The following SHOC1 variants were observed in gnomAD, a reference collection of about 807,000 sequenced individuals.
SHOC1 encodes shortage in chiasmata 1.
A neutral mutation model predicts 179.2 loss-of-function variants in SHOC1; 136 were observed. That is an observed-to-expected ratio of 0.76 (90% CI 0.66 to 0.87). The LOEUF (loss-of-function observed/expected upper bound fraction) is 0.87, where lower values mean the gene tolerates loss of function less well. Ranked by LOEUF, SHOC1 falls within the 40% of genes least tolerant of loss-of-function variation. The pLI is 0.00. For missense variants in SHOC1, 1,538 were observed against 1,700.8 expected, an observed-to-expected ratio of 0.90 and a Z score of 1.68; for synonymous variants, 489 against 586.6, an observed-to-expected ratio of 0.83 and a Z score of 2.41.
In SHOC1 at chr9:111,746,276, C is replaced by G; in HGVS notation, c.1037G>C (p.Arg346Pro). ...TAATGGAAATGTCTGAAGTTCTGTA[C>G]GTAATGAATTCACTGAAGAATGTTG... is the stretch of plus-strand genomic sequence containing the variant. ...TCQHSSVNSL[R>P]TELQTFPLSP... is the part of the protein sequence containing the mutation. The change falls in exon 10 of 28, where the codon CGT (arginine) becomes CCT (proline). Residue 346 changes from arginine (R) to proline (P), a missense_variant. Arg to Pro is a moderately radical substitution (Grantham distance 103). Transcript: ENST00000682961. 6.2e-7 allele frequency: 1 copy of G among 1,611,308 alleles called. No individual in the cohort carries two copies. Among genetic ancestry groups the G allele is most frequent in the Non-Finnish European group, 8.5e-7 (1 of 1,177,894 alleles).
At chr9:111,778,286 C>T (rs138764219) in intron 4 of SHOC1, among the ~76,000 whole-genome samples, 4 of 152,232 alleles carry the variant, frequency 2.6e-5, no homozygotes, top group African/African-American at 9.6e-5. Flanking sequence ...TGAGTAAGTT[C>T]ATCTACTCCT....
intron 3 of SHOC1, 64 bp downstream of exon 3, chr9:111,785,848 T>G (rs1053881061): frequency 7.7e-7 from 1 of 1,303,352 alleles, no homozygotes; most frequent in Non-Finnish European, 9.9e-7. Flanking sequence ...TTCTTAATAA[T>G]TTGCTGTGCT....
intron 15 of SHOC1, 42 bp downstream of exon 15, chr9:111,722,366 TA>T: frequency 6.6e-7 from 1 of 1,518,274 alleles, no homozygotes. Context: ...CAATAATTTC[TA>T]AGCATATCTT....
At chr9:111,707,727 G>C (rs1832342513) in intron 19 of SHOC1, 128 bp downstream of exon 19, 2 of 638,360 alleles carry the variant, frequency 3.1e-6, no homozygotes, top group African/African-American at 3.8e-5. Context: ...GCATTTTTCA[G>C]GAAGAGGGTA....
In SHOC1 at chr9:111,748,104, A is replaced by G. The variant is rs1417191408; in HGVS notation, c.958T>C (p.Cys320Arg). The G allele has an allele frequency of 6.2e-7, 1 of 1,612,184 alleles. No homozygotes were observed. Among genetic ancestry groups the G allele is most frequent in the Non-Finnish European group, 8.5e-7 (1 of 1,178,690 alleles). ...TIQSQSEPEE[C>R]SKPGELEMPL... is the part of the protein sequence containing the mutation. ...TCAAAATTTCTACCTGGTTTACTGC[A>G]CTCTTCTGGTTCACTCTGGCTTTGA... The change falls in exon 9 of 28, where the codon TGC becomes CGC. Residue 320 changes from cysteine (C) to arginine (R), a missense_variant. Coordinates refer to ENST00000682961, the MANE Select transcript of SHOC1 (RefSeq NM_001378211.1).
At chr9:111,694,070 T>C (rs1831577010) in intron 25 of SHOC1, 122 bp from the exon 26 acceptor site, 2 of 1,067,114 alleles carry the variant, frequency 1.9e-6, no homozygotes, top group South Asian at 1.7e-5. Flanking sequence ...TCGAAAGTGA[T>C]CCATTTTATT....
Position 111,774,096 on chromosome 9 carries a change from G to A in SHOC1, c.442+1695C>T, listed in dbSNP as rs116158159. ...TCTCAGTCAATAGTTGATTCTAGCC[G>A]ACAGTAGCTTCTAGTTTGCCACATT... On this transcript the variant is annotated intron_variant, in intron 5 of 27. Coordinates refer to ENST00000682961, the MANE Select transcript of SHOC1 (RefSeq NM_001378211.1). Among the ~76,000 whole-genome samples, 313 of 152,226 alleles carry A rather than the reference G, an allele frequency of 2.1e-3. 2 individuals carry two copies. Among genetic ancestry groups the A allele is most frequent in the African/African-American group, 7.1e-3 (297 of 41,568 alleles).
At position 111,781,750 on chromosome 9, in the gene SHOC1, A is replaced by AAATAAATAAATTAATTAATTAATTAATT. The variant is rs765900257; in HGVS notation, c.170-734_170-733insAATTAATTAATTAATTAATTTATTTATT. On this transcript the variant is annotated intron_variant, in intron 3 of 27. Coordinates refer to ENST00000682961, the MANE Select transcript of SHOC1 (RefSeq NM_001378211.1). ...TAAATAAATAAATAAATAAATAAAT[A>AAATAAATAAATTAATTAATTAATTAATT]AATTTGTATGTGTACATAGCTTATC... 4.9e-3 allele frequency among the ~76,000 whole-genome samples: 733 copies of AAATAAATAAATTAATTAATTAATTAATT among 150,982 alleles called. 6 individuals carry two copies. The highest frequency in any genetic ancestry group is 6.5e-3 in the Admixed American group (99 of 15,178).
chr9:111,727,203 T>C (rs1833332393), intron 13 of SHOC1, among the ~76,000 whole-genome samples: 1 of 152,166 alleles, frequency 6.6e-6, no homozygotes, highest in Non-Finnish European at 1.5e-5. Context: ...TAGGTAATGT[T>C]AGAAAGAAAC....
At chr9:111,724,289 C>T (rs1249252859) in intron 13 of SHOC1, among the ~76,000 whole-genome samples, 4 of 152,076 alleles carry the variant, frequency 2.6e-5, no homozygotes, top group Admixed American at 2.6e-4. Flanking sequence ...CTAACCCTCT[C>T]CTCTGTCCCA....
At chr9:111,731,242 T>C (rs1833554471) in intron 12 of SHOC1, among the ~76,000 whole-genome samples, 1 of 152,240 alleles carries the variant, frequency 6.6e-6, no homozygotes, top group Non-Finnish European at 1.5e-5. Context: ...AGTAGCACTT[T>C]TAATTTCCTT....
chr9:111,778,737 C>T lies in SHOC1; in HGVS notation c.257+2193G>A, dbSNP rs558877222. ...AGTGAACCAAGGTCACACCACTGCACTCTAGCCTAGGTGACAGAGAGAGAC... is the reference window on the plus strand; with the variant it reads ...AGTGAACCAAGGTCACACCACTGCATTCTAGCCTAGGTGACAGAGAGAGAC... On this transcript the variant is annotated intron_variant, in intron 4 of 27. Coordinates refer to ENST00000682961, the MANE Select transcript of SHOC1 (RefSeq NM_001378211.1). 2.9e-5 allele frequency among the ~76,000 whole-genome samples: 4 copies of T among 138,730 alleles called. No homozygotes were observed. The South Asian group carries it at 9.5e-4, about 33-fold the overall frequency. 91.0% of individuals were successfully genotyped at this position (138,730 alleles called of 152,430 possible).
chr9:111,756,595 T>C, intron 7 of SHOC1, 117 bp from the exon 8 acceptor site: 1 of 807,490 alleles, frequency 1.2e-6, no homozygotes, highest in Non-Finnish European at 2.0e-6. Context: ...TAAATCCACA[T>C]TCAAAATTGT....
chr9:111,741,566 A>G lies in SHOC1; in HGVS notation c.1084T>C (p.Leu362=), dbSNP rs756493634. 10 of 1,580,302 alleles carry G rather than the reference A, an allele frequency of 6.3e-6. No individual in the cohort carries two copies. The highest frequency in any genetic ancestry group is 7.8e-6 in the Non-Finnish European group (9 of 1,157,252). ...TTAGCTGATTCTTCAGCAGTAAGCA[A>G]ATTACTGAAAAAAAGAGTTAAAGTT... is the stretch of plus-strand genomic sequence containing the variant. ...FPLSPVCKIN[L]LTAEESANEY... The change falls in exon 11 of 28, where the codon TTG becomes CTG. Residue 362 remains leucine (L), a synonymous_variant. Coordinates refer to ENST00000682961, the MANE Select transcript of SHOC1 (RefSeq NM_001378211.1).
chr9:111,730,060 A>G (rs2131447296), intron 12 of SHOC1, among the ~76,000 whole-genome samples: 1 of 152,308 alleles, frequency 6.6e-6, no homozygotes, highest in Admixed American at 6.5e-5. Flanking sequence ...CATAAGAAAC[A>G]ACTCCTCATT....
intron 3 of SHOC1, 108 bp from the exon 4 acceptor site, chr9:111,781,125 C>A: frequency 1.4e-6 from 1 of 734,598 alleles, no homozygotes; most frequent in South Asian, 2.0e-5. Flanking sequence ...TATTTATTCA[C>A]AAATGTATTT....
chr9:111,786,852 G>A (rs183172651), intron 2 of SHOC1, among the ~76,000 whole-genome samples: 42 of 152,332 alleles, frequency 2.8e-4, no homozygotes, highest in African/African-American at 9.9e-4. Context: ...GTCAATGTCT[G>A]TGTTCAAACT....
At chr9:111,719,700 A>G (rs1832950570) in intron 15 of SHOC1, among the ~76,000 whole-genome samples, 1 of 152,076 alleles carries the variant, frequency 6.6e-6, no homozygotes, top group Admixed American at 6.5e-5. Context: ...CAGGTATTTC[A>G]AGTAGTAAAC....
At chr9:111,794,182 G>A (rs1183013641) in intron 1 of SHOC1, among the ~76,000 whole-genome samples, 1 of 151,550 alleles carries the variant, frequency 6.6e-6, no homozygotes, top group Non-Finnish European at 1.5e-5. Context: ...ACTCACAGGT[G>A]AGTGTGAATC....
Sources: allele counts gnomAD v4.1 joint callset (sites outside exome capture counted in the v4.1 genomes callset), GRCh38; gene constraint gnomAD v4.1.1; transcripts MANE v1.5; gene names NCBI Gene and HGNC (gene_info 2026-07-23, HGNC 2026-07-21).